The following RNF213 variants were observed in gnomAD, a reference collection of about 807,000 sequenced individuals.
RNF213 encodes the protein E3 ubiquitin-protein ligase RNF213.
Under a neutral mutation model 514.4 loss-of-function variants are expected in RNF213, and 341 were observed. The observed-to-expected ratio is 0.66, with a 90% CI of 0.61 to 0.73. The LOEUF is 0.73. Among genes scored for constraint, RNF213 ranks in the 30% least tolerant of loss-of-function variants. The pLI, the probability that RNF213 is intolerant of heterozygous loss-of-function variation, is 0.00. For missense variants in RNF213, 5,767 were observed against 6,615.6 expected, an observed-to-expected ratio of 0.87 and a Z score of 4.45; for synonymous variants, 2,655 against 2,658.2, an observed-to-expected ratio of 1.00 and a Z score of 0.04.
chr17:80,364,174 G>A (rs1359585400), intron 41 of RNF213, among the ~76,000 whole-genome samples: 1 of 152,216 alleles, frequency 6.6e-6, no homozygotes, highest in Non-Finnish European at 1.5e-5. Context: ...ACAGGCGCAG[G>A]ATCATGCAGT....
chr17:80,363,717 C>A lies in RNF213; in HGVS notation c.11677C>A (p.Leu3893Met), dbSNP rs142873017. 3.1e-6 allele frequency: 5 copies of A among 1,613,928 alleles called. No individual in the cohort carries two copies. The highest frequency in any genetic ancestry group is 4.2e-6 in the Non-Finnish European group (5 of 1,179,954). Residue 3893 changes from leucine to methionine, a missense_variant, in exon 41 of 68, where the codon CTG becomes ATG. Transcript: ENST00000582970. ...GTTGGTGAAGAATCTTTCCATGCCGCTGGAGCTCATCTGCTCCGATGAGCA... is the reference window on the plus strand; with the variant it reads ...GTTGGTGAAGAATCTTTCCATGCCGATGGAGCTCATCTGCTCCGATGAGCA... ...LQLVKNLSMP[L>M]ELICSDEHMQ...
Position 80,367,745 on chromosome 17 carries a change from C to T in RNF213, c.11872-3C>T, listed in dbSNP as rs772125121. The stretch of plus-strand genomic sequence containing the variant: ...AATGACTCCTGTCCCTGCCTTTCTT[C>T]AGTGTCTTCGAGAGAACTCTGACGT... On this transcript the variant is annotated splice_polypyrimidine_tract_variant and splice_region_variant and intron_variant, in intron 42 of 67. Coordinates refer to ENST00000582970, the MANE Select transcript of RNF213 (RefSeq NM_001256071.3). The T allele has an allele frequency of 3.7e-6, 6 of 1,613,378 alleles. No homozygotes were observed. Among genetic ancestry groups the T allele is most frequent in the Admixed American group, 1.7e-5 (1 of 60,014 alleles).
At chr17:80,293,058 T>G (rs1246808100) in intron 8 of RNF213, among the ~76,000 whole-genome samples, 1 of 152,074 alleles carries the variant, frequency 6.6e-6, no homozygotes, top group Non-Finnish European at 1.5e-5. Context: ...TGTAAACATA[T>G]ATATATATTT....
chr17:80,353,117 G>T lies in RNF213; in HGVS notation c.10423+58G>T. On this transcript the variant is annotated intron_variant, in intron 33 of 67. Transcript: ENST00000582970. This position sits in a 1 kb window ranked among gnomAD's most constrained non-coding sequence, Gnocchi z 5.0. ...GGTGGTGGAAGGGCAGATGGCAGGT[G>T]TGGAGCGTGGCGTGCACATGGCACT... The T allele has an allele frequency of 6.2e-7, 1 of 1,602,504 alleles. No individual in the cohort carries two copies. Among genetic ancestry groups the T allele is most frequent in the Non-Finnish European group, 8.5e-7 (1 of 1,179,006 alleles).
chr17:80,296,854 G>GT (rs1216113021), intron 10 of RNF213, among the ~76,000 whole-genome samples: 1 of 151,904 alleles, frequency 6.6e-6, no homozygotes, highest in Admixed American at 6.6e-5. Context: ...GCTAATTTTT[G>GT]TATTTATTGT....
At chr17:80,364,674 C>T (rs921489132) in intron 42 of RNF213, 121 bp downstream of exon 42, 1 of 1,217,454 alleles carries the variant, frequency 8.2e-7, no homozygotes, top group Admixed American at 1.9e-5. Context: ...TTTGTCTAGA[C>T]ATGCAAAGGA....
Position 80,381,880 on chromosome 17 carries a change from G to C in RNF213, c.13978+153G>C, listed in dbSNP as rs1014822595. The C allele has an allele frequency of 1.9e-5, 15 of 790,000 alleles. No individual in the cohort carries two copies. In the African/African-American group the frequency reaches 2.1e-4, roughly 11 times the overall value. The allele number at this position is 790,000 out of a possible 1,614,324, so 48.9% of individuals were successfully genotyped here. On this transcript the variant is annotated intron_variant, in intron 57 of 67. Transcript: ENST00000582970. Reference sequence around the variant, plus strand: ...TGAGAGAACACACAGAGAGAAAACCGTGTCTAGGGAAGGCGATGCCTGGGG... The same window carrying C: ...TGAGAGAACACACAGAGAGAAAACCCTGTCTAGGGAAGGCGATGCCTGGGG...
At chr17:80,387,667 G>C (rs545576227) in intron 63 of RNF213, among the ~76,000 whole-genome samples, 56 of 152,290 alleles carry the variant, frequency 3.7e-4, no homozygotes, top group African/African-American at 1.3e-3. Context: ...GTGCCGGATG[G>C]ACCTGCCTGG....
chr17:80,393,549 T>C lies in RNF213; in HGVS notation c.*51T>C. 6.3e-7 allele frequency: 1 copy of C among 1,595,622 alleles called. No individual in the cohort carries two copies. Among genetic ancestry groups the C allele is most frequent in the South Asian group, 1.1e-5 (1 of 90,426 alleles). On this transcript the variant is annotated 3_prime_UTR_variant, in exon 68 of 68. Transcript: ENST00000582970. ...TGACTTTGGAGAGAAGACTCCTCTC[T>C]CCTCGTCTGCGGCGTGGACTTGATC...
intron 40 of RNF213, 99 bp downstream of exon 40, chr17:80,363,413 T>G (rs930269386): frequency 1.5e-6 from 2 of 1,340,968 alleles, no homozygotes; most frequent in Admixed American, 1.7e-5. Flanking sequence ...AGTGGGAGAT[T>G]TCTTCACAAG....
rs749937102 is a variant in RNF213 at position 80,309,168 on chromosome 17, G to A, written c.2652G>A (p.Leu884=). 6 of 1,614,168 alleles carry A rather than the reference G, an allele frequency of 3.7e-6. No individual in the cohort carries two copies. In the Admixed American group the frequency reaches 1.0e-4, roughly 27 times the overall value. The change falls in exon 14 of 68, where the codon CTG becomes CTA. Residue 884 remains leucine (L), a synonymous_variant. Transcript: ENST00000582970. ...GCAGAATGATTAGACTTCTATCTCT[G>A]GTGGTAAGTGGAGTCAACACACAAG... ...IVCRMIRLLS[L]VDSAGQRDET...
In RNF213 at chr17:80,345,933, A is replaced by T; in HGVS notation, c.7598A>T (p.Glu2533Val). 1 of 1,614,178 alleles carries T rather than the reference A, an allele frequency of 6.2e-7. No individual in the cohort carries two copies. The highest frequency in any genetic ancestry group is 8.5e-7 in the Non-Finnish European group (1 of 1,180,032). Residue 2533 changes from glutamate to valine, a missense_variant, in exon 29 of 68, where the codon GAG becomes GTG. By Grantham distance (121) the Glu-to-Val change is moderately radical (BLOSUM62 -2). Coordinates refer to ENST00000582970, the MANE Select transcript of RNF213 (RefSeq NM_001256071.3). This position sits in a 1 kb window ranked among gnomAD's most constrained non-coding sequence, Gnocchi z 6.0. ...AATCCATACCGGAAGCACTCTGAGGAGATGATCTGCCGTTTGGAGTCAGCT... is the reference window on the plus strand; with the variant it reads ...AATCCATACCGGAAGCACTCTGAGGTGATGATCTGCCGTTTGGAGTCAGCT... ...ACNPYRKHSE[E>V]MICRLESAGL...
chr17:80,381,453 T>C (rs998789065), intron 56 of RNF213, 94 bp from the exon 57 acceptor site: 18 of 1,326,236 alleles, frequency 1.4e-5, no homozygotes, highest in Non-Finnish European at 1.8e-5. Context: ...TCCGACTCTA[T>C]GCTGGTGCTC....
rs2080645058 is a variant in RNF213, at chr17:80,395,718, T to C, written c.*2220T>C. ...CGGGGTAAGAGATAAACAGTAACCC[T>C]TCCAGGAGCCCACTGACGTTGGAGT... is the stretch of plus-strand genomic sequence containing the variant. On this transcript the variant is annotated 3_prime_UTR_variant, in exon 68 of 68. Coordinates refer to ENST00000582970, the MANE Select transcript of RNF213 (RefSeq NM_001256071.3). 1 of 152,190 alleles carries C rather than the reference T, an allele frequency of 6.6e-6. No individual in the cohort carries two copies. The highest frequency in any genetic ancestry group is 1.5e-5 in the Non-Finnish European group (1 of 68,026). The allele number at this position is 152,190 out of a possible 1,614,324, so 9.4% of individuals were successfully genotyped here.
intron 3 of RNF213, among the ~76,000 whole-genome samples, chr17:80,287,050 CTGTG>C (rs1268931914): frequency 6.6e-6 from 1 of 152,150 alleles, no homozygotes; most frequent in East Asian, 1.9e-4. Flanking sequence ...CGTGGAAAGC[CTGTG>C]TGTGCTTTCT....
intron 23 of RNF213, chr17:80,336,649 C>T (rs2077995459): frequency 4.4e-6 from 2 of 456,360 alleles, no homozygotes; most frequent in Non-Finnish European, 8.2e-6. Flanking sequence ...TGAAACGTTG[C>T]CAGGAGTTTT....
At chr17:80,328,560 A>T in intron 20 of RNF213, 83 bp downstream of exon 20, 5 of 1,374,416 alleles carry the variant, frequency 3.6e-6, no homozygotes, top group Non-Finnish European at 3.8e-6. Context: ...ACAGTAGCAG[A>T]TCTTTATTTT....
Position 80,352,946 on chromosome 17 carries a change from G to A in RNF213, c.10310G>A (p.Trp3437Ter). 1 of 1,614,058 alleles carries A rather than the reference G, an allele frequency of 6.2e-7. No individual in the cohort carries two copies. The highest frequency in any genetic ancestry group is 8.5e-7 in the Non-Finnish European group (1 of 1,180,042). ...GTGGCTTCACTCTTCACAGGGCTGT[G>A]GCAGTCTGTCCACATCGATGACCTC... is the stretch of plus-strand genomic sequence containing the variant. ...TAYVGFHGGL[W>*]QSVHIDDLRR... Residue 3437 changes from tryptophan (W) to a stop codon, truncating the protein, a stop_gained, in exon 33 of 68, where the codon TGG becomes TAG. Transcript: ENST00000582970. LOFTEE classifies it high-confidence loss of function.
Position 80,312,992 on chromosome 17 carries a change from T to C in RNF213, c.2656-20T>C, listed in dbSNP as rs1231083805. Reference sequence around the variant, plus strand: ...GTCCACAGCCGAGGATGACTGACCCTCCCTCTTGTGTGACAACAGGATTCT... The same window carrying C: ...GTCCACAGCCGAGGATGACTGACCCCCCCTCTTGTGTGACAACAGGATTCT... On this transcript the variant is annotated intron_variant, in intron 14 of 67. Transcript: ENST00000582970. 1 of 1,613,454 alleles carries C rather than the reference T, an allele frequency of 6.2e-7. No individual in the cohort carries two copies. Among genetic ancestry groups the C allele is most frequent in the Admixed American group, 1.7e-5 (1 of 60,008 alleles).
Sources: allele counts gnomAD v4.1 joint callset (sites outside exome capture counted in the v4.1 genomes callset), GRCh38; gene constraint gnomAD v4.1.1; non-coding constraint Gnocchi (gnomAD v3.1); transcripts MANE v1.5; gene names NCBI Gene and HGNC (gene_info 2026-07-23, HGNC 2026-07-21).